Variants in PLCL1 observed in about 807,000 individuals in gnomAD.
PLCL1 encodes inactive phospholipase C-like protein 1.
In PLCL1, 41 loss-of-function variants were observed where a neutral mutation model predicts 84.4. That is an observed-to-expected ratio of 0.49 (90% CI 0.38 to 0.63). The LOEUF (loss-of-function observed/expected upper bound fraction) is 0.63, where lower values mean the gene tolerates loss of function less well. Among genes scored for constraint, PLCL1 ranks in the 30% least tolerant of loss-of-function variants. The probability of loss-of-function intolerance (pLI) is 0.00; values close to 1 mark genes in which losing one functional copy is unlikely to be tolerated. For missense variants in PLCL1, 1,206 were observed against 1,367.8 expected (o/e 0.88, Z 1.87); for synonymous variants, 490 against 488.3 (o/e 1.00, Z -0.05).
chr2:197,906,206 G>A lies in PLCL1; in HGVS notation c.240+100867G>A, dbSNP rs572245928. Reference sequence around the variant, plus strand: ...GCGTTTTTATGGTTTCAGGTCTTACGTTTAAGTCTTTAATCCATCTTGAGT... The same window carrying A: ...GCGTTTTTATGGTTTCAGGTCTTACATTTAAGTCTTTAATCCATCTTGAGT... On this transcript the variant is annotated intron_variant, in intron 1 of 5. Coordinates refer to ENST00000428675, the MANE Select transcript of PLCL1 (RefSeq NM_006226.4). Among the ~76,000 whole-genome samples the A allele has an allele frequency of 1.6e-4, 25 of 152,180 alleles. No individual in the cohort carries two copies. In the South Asian group the frequency reaches 2.1e-3, roughly 13 times the overall value.
intron 5 of PLCL1, among the ~76,000 whole-genome samples, chr2:198,142,308 A>G (rs1436517728): frequency 3.9e-5 from 6 of 152,136 alleles, no homozygotes; most frequent in Admixed American, 3.9e-4. Flanking sequence ...TTAGTATATT[A>G]AGTGTTCAGT....
At chr2:197,862,392 C>T (rs985626414) in intron 1 of PLCL1, among the ~76,000 whole-genome samples, 7 of 152,154 alleles carry the variant, frequency 4.6e-5, no homozygotes, top group African/African-American at 1.7e-4. Flanking sequence ...AAAGGAAGTA[C>T]ATGCTACTAC....
intron 1 of PLCL1, among the ~76,000 whole-genome samples, chr2:197,958,763 A>G (rs1047333732): frequency 6.6e-6 from 1 of 151,978 alleles, no homozygotes; most frequent in Non-Finnish European, 1.5e-5. Flanking sequence ...TCCTCACACC[A>G]CAGAGATAAT....
intron 5 of PLCL1, among the ~76,000 whole-genome samples, chr2:198,126,530 C>T (rs559847262): frequency 2.0e-4 from 31 of 152,232 alleles, no homozygotes; most frequent in African/African-American, 6.5e-4. Context: ...CCTACGTTAG[C>T]GCTGAGCTCA....
intron 1 of PLCL1, among the ~76,000 whole-genome samples, chr2:197,962,984 C>T (rs1483701336): frequency 1.3e-5 from 2 of 152,082 alleles, no homozygotes; most frequent in African/African-American, 2.4e-5. Flanking sequence ...TCTTGATGGA[C>T]ACTTATGTTG....
intron 1 of PLCL1, among the ~76,000 whole-genome samples, chr2:197,834,070 T>C (rs1377969442): frequency 6.6e-6 from 1 of 152,216 alleles, no homozygotes; most frequent in Non-Finnish European, 1.5e-5. Context: ...TGGGGTAAGA[T>C]TCCCTATTTA....
At chr2:197,913,368 C>A (rs936495127) in intron 1 of PLCL1, among the ~76,000 whole-genome samples, 7 of 152,200 alleles carry the variant, frequency 4.6e-5, no homozygotes, top group African/African-American at 1.7e-4. Context: ...TCACTAAAGC[C>A]TTTTTAGCAT....
intron 1 of PLCL1, among the ~76,000 whole-genome samples, chr2:197,809,273 G>A (rs757642210): frequency 2.0e-5 from 3 of 152,184 alleles, no homozygotes; most frequent in Non-Finnish European, 4.4e-5. Flanking sequence ...GGCACAGAGA[G>A]CTACTGTTAA....
intron 1 of PLCL1, among the ~76,000 whole-genome samples, chr2:198,041,660 G>A (rs909066625): frequency 6.6e-6 from 1 of 152,118 alleles, no homozygotes; most frequent in African/African-American, 2.4e-5. Context: ...GGAATCTCCT[G>A]GAAGTAAATA....
At chr2:197,877,202 T>G (rs1157031953) in intron 1 of PLCL1, among the ~76,000 whole-genome samples, 1 of 152,142 alleles carries the variant, frequency 6.6e-6, no homozygotes, top group Non-Finnish European at 1.5e-5. Context: ...CTAAGGTGGT[T>G]CTCTAAAATA....
At chr2:198,083,362 T>TTGCGCCACTGC in intron 1 of PLCL1, among the ~76,000 whole-genome samples, 1 of 152,208 alleles carries the variant, frequency 6.6e-6, no homozygotes, top group African/African-American at 2.4e-5. Flanking sequence ...AAAACCTCTT[T>TTGCGCCACTGC]AGAAAGTTGC....
intron 1 of PLCL1, among the ~76,000 whole-genome samples, chr2:198,080,004 A>G (rs1249086378): frequency 1.3e-5 from 2 of 152,208 alleles, no homozygotes; most frequent in African/African-American, 2.4e-5. Flanking sequence ...GGGTATTGGT[A>G]CTTCAGCCTC....
At chr2:197,926,625 AG>A (rs1434624685) in intron 1 of PLCL1, among the ~76,000 whole-genome samples, 1 of 152,222 alleles carries the variant, frequency 6.6e-6, no homozygotes, top group Non-Finnish European at 1.5e-5. Context: ...AACATAAATA[AG>A]ATCAAAAGTA....
At chr2:198,052,540 C>A (rs953596747) in intron 1 of PLCL1, among the ~76,000 whole-genome samples, 64 of 149,822 alleles carry the variant, frequency 4.3e-4, no homozygotes, top group African/African-American at 1.5e-3. Flanking sequence ...AAAAAAAAAC[C>A]ATTACCTTAC....
At chr2:197,978,572 CA>C (rs1297998499) in intron 1 of PLCL1, among the ~76,000 whole-genome samples, 3 of 152,182 alleles carry the variant, frequency 2.0e-5, no homozygotes, top group Admixed American at 2.0e-4. Flanking sequence ...CGAAATAAGA[CA>C]AAACACTTCT....
intron 1 of PLCL1, among the ~76,000 whole-genome samples, chr2:197,936,131 A>ACTCC (rs1689047160): frequency 7.5e-6 from 1 of 134,090 alleles, no homozygotes; most frequent in African/African-American, 2.7e-5. Context: ...TATATTAAAC[A>ACTCC]CCCCCCCCCT....
intron 1 of PLCL1, among the ~76,000 whole-genome samples, chr2:197,878,971 C>T (rs746771731): frequency 2.0e-5 from 3 of 152,208 alleles, no homozygotes; most frequent in African/African-American, 2.4e-5. Context: ...TATGGATCTG[C>T]ATTTCTGCAT....
chr2:198,144,732 T>G (rs1053624316), intron 5 of PLCL1, among the ~76,000 whole-genome samples: 1 of 152,234 alleles, frequency 6.6e-6, no homozygotes, highest in Non-Finnish European at 1.5e-5. Flanking sequence ...CCTGTCTTCC[T>G]GATTCTGGAT....
At chr2:197,939,838 A>G (rs1689123685) in intron 1 of PLCL1, among the ~76,000 whole-genome samples, 1 of 151,486 alleles carries the variant, frequency 6.6e-6, no homozygotes, top group South Asian at 2.1e-4. Flanking sequence ...ATATGCAGCC[A>G]AATTTGAGAG....
Sources: gnomAD v4.1 joint callset for allele counts (sites outside exome capture counted in the v4.1 genomes callset) on GRCh38, gnomAD v4.1.1 for gene constraint, MANE v1.5 for transcripts, NCBI Gene and HGNC (gene_info 2026-07-23, HGNC 2026-07-21) for gene names.